RERG: variants seen among roughly 807,000 people sequenced by gnomAD.
RERG encodes RAS like estrogen regulated growth inhibitor.
Under a neutral mutation model 23.2 loss-of-function variants are expected in RERG, and 25 were observed. The observed-to-expected ratio is 1.08, with a 90% CI of 0.79 to 1.50. RERG has a LOEUF of 1.50. Ranked by LOEUF, RERG falls within the 40% of genes most tolerant of loss-of-function variation. The pLI is 0.00. For missense variants in RERG, 253 were observed against 250.1 expected, an observed-to-expected ratio of 1.01 and a Z score of -0.08; for synonymous variants, 81 against 89.1, an observed-to-expected ratio of 0.91 and a Z score of 0.51.
chr12:15,121,338 A>G (rs1863828581), intron 2 of RERG, among the ~76,000 whole-genome samples: 1 of 152,204 alleles, frequency 6.6e-6, no homozygotes, highest in Non-Finnish European at 1.5e-5. Flanking sequence ...TTTATTGTGC[A>G]TTAGTCAACA....
chr12:15,164,931 G>A (rs138188819), intron 2 of RERG, among the ~76,000 whole-genome samples: 4 of 152,268 alleles, frequency 2.6e-5, no homozygotes, highest in African/African-American at 7.2e-5. Flanking sequence ...CCAGGGTGCC[G>A]CTCTGGAAAT....
chr12:15,148,771 G>A (rs894384486), intron 2 of RERG, among the ~76,000 whole-genome samples: 1 of 143,912 alleles, frequency 6.9e-6, no homozygotes, highest in Non-Finnish European at 1.5e-5. Context: ...ATTTAGCACT[G>A]AAATTTTGGT....
chr12:15,196,595 A>G (rs1865148100), intron 2 of RERG, among the ~76,000 whole-genome samples: 1 of 152,170 alleles, frequency 6.6e-6, no homozygotes. Context: ...GTCAACTCAA[A>G]CACATGAATG....
At chr12:15,141,891 A>T (rs1864244080) in intron 2 of RERG, among the ~76,000 whole-genome samples, 1 of 152,190 alleles carries the variant, frequency 6.6e-6, no homozygotes, top group South Asian at 2.1e-4. Context: ...ATTTTGGCTC[A>T]GCCATGTGTT....
chr12:15,209,474 G>A lies in RERG; in HGVS notation c.61+7955C>T, dbSNP rs927077724. 2.6e-5 allele frequency among the ~76,000 whole-genome samples: 4 copies of A among 151,830 alleles called. No individual in the cohort carries two copies. In the South Asian group the frequency reaches 8.3e-4, roughly 32 times the overall value. ...TAATGTAGGCTATTTATATAACAAT[G>A]AGAAACATATTCTTTAGCAAAAGAT... On this transcript the variant is annotated intron_variant, in intron 2 of 4. Coordinates refer to ENST00000256953, the MANE Select transcript of RERG (RefSeq NM_032918.3).
intron 2 of RERG, among the ~76,000 whole-genome samples, chr12:15,180,653 G>A (rs1419123808): frequency 1.3e-5 from 2 of 152,160 alleles, no homozygotes; most frequent in African/African-American, 4.8e-5. Flanking sequence ...AGTAAATAGG[G>A]ACGAGGTAGA....
At chr12:15,199,781 T>C (rs763728091) in intron 2 of RERG, among the ~76,000 whole-genome samples, 5 of 152,078 alleles carry the variant, frequency 3.3e-5, no homozygotes, top group Non-Finnish European at 7.4e-5. Context: ...TTTAGTGCCT[T>C]AGAAGTTTCG....
At chr12:15,135,586 C>T (rs1284682333) in intron 2 of RERG, among the ~76,000 whole-genome samples, 1 of 152,038 alleles carries the variant, frequency 6.6e-6, no homozygotes, top group Admixed American at 6.6e-5. Context: ...TCCTCTATCC[C>T]TAGTTTGCTG....
At chr12:15,162,819 C>A (rs1864633853) in intron 2 of RERG, among the ~76,000 whole-genome samples, 1 of 152,154 alleles carries the variant, frequency 6.6e-6, no homozygotes, top group Non-Finnish European at 1.5e-5. Flanking sequence ...GGTAAACTTG[C>A]CTATCATCAC....
chr12:15,109,292 A>T lies in RERG; in HGVS notation c.418T>A (p.Leu140Met), dbSNP rs1284876344. ...GAGCACTCGTAAAAAGCACAAGCCA[A>T]TTCTGTGGCCAGCTTCTCTCCTTCT... ...TEEGEKLATE[L>M]ACAFYECSAC... Residue 140 changes from leucine to methionine, a missense_variant, in exon 5 of 5, where the codon TTG (leucine) becomes ATG (methionine). By Grantham distance (15) the Leu-to-Met change is conservative. Transcript: ENST00000256953. 1.9e-6 allele frequency: 3 copies of T among 1,614,032 alleles called. No individual in the cohort carries two copies. The highest frequency in any genetic ancestry group is 1.6e-4 in the Middle Eastern group (1 of 6,084).
At chr12:15,208,740 A>T (rs1865327236) in intron 2 of RERG, among the ~76,000 whole-genome samples, 1 of 152,200 alleles carries the variant, frequency 6.6e-6, no homozygotes, top group Non-Finnish European at 1.5e-5. Flanking sequence ...AAATACACAC[A>T]TATATACATA....
At chr12:15,211,154 A>T (rs2136147509) in intron 2 of RERG, among the ~76,000 whole-genome samples, 1 of 152,210 alleles carries the variant, frequency 6.6e-6, no homozygotes, top group East Asian at 1.9e-4. Flanking sequence ...TTTTTAGCAA[A>T]TTTACCACAA....
chr12:15,198,519 T>C (rs1454545249), intron 2 of RERG, among the ~76,000 whole-genome samples: 1 of 152,160 alleles, frequency 6.6e-6, no homozygotes, highest in African/African-American at 2.4e-5. Flanking sequence ...TATCTTCTTG[T>C]TTAATTTCAG....
chr12:15,208,757 C>T (rs1161019402), intron 2 of RERG, among the ~76,000 whole-genome samples: 1 of 151,906 alleles, frequency 6.6e-6, no homozygotes, highest in African/African-American at 2.4e-5. Flanking sequence ...CATACATGTA[C>T]ATACATGTTA....
At chr12:15,110,096 T>TATC (rs1458953248) in intron 4 of RERG, among the ~76,000 whole-genome samples, 2 of 152,164 alleles carry the variant, frequency 1.3e-5, no homozygotes, top group Non-Finnish European at 2.9e-5. Flanking sequence ...TTTCTTTTCC[T>TATC]ATCTCAGAGC....
chr12:15,122,604 T>C (rs943356433), intron 2 of RERG, among the ~76,000 whole-genome samples: 4 of 152,220 alleles, frequency 2.6e-5, no homozygotes, highest in African/African-American at 7.2e-5. Flanking sequence ...ACTGTACTTG[T>C]GGTTTTATCT....
intron 2 of RERG, among the ~76,000 whole-genome samples, chr12:15,162,693 T>C (rs951358201): frequency 1.3e-5 from 2 of 152,200 alleles, no homozygotes; most frequent in African/African-American, 4.8e-5. Flanking sequence ...ATGAAGAATT[T>C]TTTAAAAACA....
At chr12:15,113,949 C>T (rs895038386) in intron 3 of RERG, among the ~76,000 whole-genome samples, 21 of 151,838 alleles carry the variant, frequency 1.4e-4, no homozygotes, top group African/African-American at 5.1e-4. Context: ...ACAAATTTAC[C>T]AAGGCCTTAA....
chr12:15,221,058 C>A (rs1331685703), intron 1 of RERG, 137 bp downstream of exon 1: 1 of 152,228 alleles, frequency 6.6e-6, no homozygotes, highest in African/African-American at 2.4e-5. Context: ...TCCCTCGCAG[C>A]GAACCCCAAA....
Sources: gnomAD v4.1 joint callset for allele counts (sites outside exome capture counted in the v4.1 genomes callset) on GRCh38, gnomAD v4.1.1 for gene constraint, MANE v1.5 for transcripts, NCBI Gene and HGNC (gene_info 2026-07-23, HGNC 2026-07-21) for gene names.